FRMPD1: variants seen among roughly 807,000 people sequenced by gnomAD.
FRMPD1 encodes the protein FERM and PDZ domain-containing protein 1.
FRMPD1 carries 76 observed loss-of-function variants against 117.8 expected under a neutral mutation model. That is an observed-to-expected ratio of 0.65 (90% CI 0.54 to 0.78). The LOEUF (loss-of-function observed/expected upper bound fraction) is 0.78. FRMPD1 is among the 30% of genes least tolerant of loss of function. FRMPD1 has a pLI of 0.00. For missense variants in FRMPD1, 1,786 were observed against 1,964.5 expected (o/e 0.91, Z 1.72); for synonymous variants, 783 against 770.4 (o/e 1.02, Z -0.27).
At chr9:37,670,191 T>G (rs1297605558) in intron 1 of FRMPD1, 1 of 152,214 alleles carries the variant, frequency 6.6e-6, no homozygotes, top group African/African-American at 2.4e-5. Context: ...TGTTATTTTA[T>G]TCATTCATTC....
intron 1 of FRMPD1, among the ~76,000 whole-genome samples, chr9:37,688,653 A>G (rs966314554): frequency 2.6e-5 from 4 of 152,156 alleles, no homozygotes; most frequent in African/African-American, 7.2e-5. Flanking sequence ...CAAATGTCCA[A>G]TGATAGATTT....
At chr9:37,651,612 C>G (rs1382326600) in intron 1 of FRMPD1, among the ~76,000 whole-genome samples, 1 of 152,252 alleles carries the variant, frequency 6.6e-6, no homozygotes, top group Non-Finnish European at 1.5e-5. Context: ...AAGTCAGTCT[C>G]CAGGGTCGCG....
intron 3 of FRMPD1, 79 bp from the exon 4 acceptor site, chr9:37,708,320 C>G: frequency 1.2e-6 from 1 of 828,996 alleles, no homozygotes; most frequent in Non-Finnish European, 2.0e-6. Flanking sequence ...ATCAGGGTGC[C>G]ATTTAACTGT....
At chr9:37,645,589 G>A in the FRMPD1 span, among the ~76,000 whole-genome samples, 2 of 152,200 alleles carry the variant, frequency 1.3e-5, no homozygotes, top group Non-Finnish European at 2.9e-5. Flanking sequence ...AGGGTGTTGG[G>A]AGACTGATCT....
chr9:37,707,374 G>C, intron 2 of FRMPD1, 42 bp from the exon 3 acceptor site: 1 of 1,585,076 alleles, frequency 6.3e-7, no homozygotes, highest in South Asian at 1.1e-5. Context: ...CCAACAACTA[G>C]AGTCTTCTCT....
At chr9:37,621,780 GTGGGAGTGAA>G in the FRMPD1 span, among the ~76,000 whole-genome samples, 2 of 152,142 alleles carry the variant, frequency 1.3e-5, no homozygotes, top group Non-Finnish European at 2.9e-5. Context: ...ATGCATTTAC[GTGGGAGTGAA>G]TAGGCCCCAG....
In FRMPD1 at chr9:37,745,821, AC is replaced by A. The variant is rs1824683336; in HGVS notation, c.3790del (p.Gln1264LysfsTer6). 6.2e-7 allele frequency: 1 copy of A among 1,614,150 alleles called. No homozygotes were observed. The highest frequency in any genetic ancestry group is 8.5e-7 in the Non-Finnish European group (1 of 1,179,984). On this transcript the variant is annotated frameshift_variant, in exon 16 of 16. Coordinates refer to ENST00000377765, the MANE Select transcript of FRMPD1 (RefSeq NM_014907.3). LOFTEE classifies it high-confidence loss of function. ...CCCTGCCAGAACCACTACCATGTCC[AC>A]AAGAGGATCCTCACTTAGAAACTTC... ...PSLPEPLPCPQEDPHLETSNH... is the reference protein window; with the variant it reads ...PSLPEPLPCPXEDPHLETSNH...
chr9:37,700,181 GA>G (rs1822483390), intron 2 of FRMPD1, among the ~76,000 whole-genome samples: 1 of 152,104 alleles, frequency 6.6e-6, no homozygotes. Flanking sequence ...AAGGCTCCTG[GA>G]CTGCATCTGC....
intron 2 of FRMPD1, among the ~76,000 whole-genome samples, chr9:37,706,602 G>C (rs1048928413): frequency 6.6e-6 from 1 of 152,084 alleles, no homozygotes; most frequent in African/African-American, 2.4e-5. Flanking sequence ...CTCGCTTTGT[G>C]GTTTCTCTCT....
the FRMPD1 span, among the ~76,000 whole-genome samples, chr9:37,603,526 A>C: frequency 6.6e-6 from 1 of 152,326 alleles, no homozygotes; most frequent in East Asian, 1.9e-4. Flanking sequence ...ACTCAGATCC[A>C]TCAGAAGGAA....
In FRMPD1 at chr9:37,745,538, G is replaced by A. The variant is rs367901427; in HGVS notation, c.3506G>A (p.Gly1169Glu). The change falls in exon 16 of 16, where the codon GGG becomes GAG. Residue 1169 changes from glycine (G) to glutamate (E), a missense_variant. Gly to Glu is a moderately conservative substitution (Grantham distance 98). Transcript: ENST00000377765. ...TSLSLDAPVT[G>E]TEQIPPHPPR... ...CTTTCTTTAGATGCTCCTGTAACAG[G>A]GACCGAGCAGATCCCACCACATCCC... The A allele has an allele frequency of 3.7e-6, 6 of 1,614,032 alleles. No individual in the cohort carries two copies. In the African/African-American group the frequency reaches 4.0e-5, roughly 11 times the overall value.
At chr9:37,642,872 G>C in the FRMPD1 span, among the ~76,000 whole-genome samples, 1 of 152,114 alleles carries the variant, frequency 6.6e-6, no homozygotes, top group Non-Finnish European at 1.5e-5. Context: ...GAAAGTCTTG[G>C]AAGCTTTCTC....
chr9:37,732,088 T>A (rs1823909219), intron 9 of FRMPD1, among the ~76,000 whole-genome samples: 1 of 152,196 alleles, frequency 6.6e-6, no homozygotes, highest in Non-Finnish European at 1.5e-5. Context: ...AATTTAAGTC[T>A]CACAGAAACC....
chr9:37,621,229 T>G, the FRMPD1 span, among the ~76,000 whole-genome samples: 4 of 152,232 alleles, frequency 2.6e-5, no homozygotes, highest in Non-Finnish European at 4.4e-5. Context: ...GTTCACTGAA[T>G]AGATGAGTGA....
intron 2 of FRMPD1, among the ~76,000 whole-genome samples, chr9:37,705,456 C>A (rs1018980721): frequency 1.3e-4 from 20 of 152,066 alleles, no homozygotes; most frequent in African/African-American, 3.6e-4. Context: ...CCACCAAGTC[C>A]TGCTATTTTT....
At chr9:37,686,992 G>A (rs1368692269) in intron 1 of FRMPD1, among the ~76,000 whole-genome samples, 1 of 152,194 alleles carries the variant, frequency 6.6e-6, no homozygotes, top group Non-Finnish European at 1.5e-5. Flanking sequence ...ATCTAGTGGA[G>A]ACCTCAGATT....
chr9:37,725,482 T>A (rs1331205190), intron 7 of FRMPD1, among the ~76,000 whole-genome samples: 7 of 152,216 alleles, frequency 4.6e-5, no homozygotes, highest in African/African-American at 1.7e-4. Context: ...ACAATGTACA[T>A]ACACCTGTAC....
chr9:37,717,039 A>G (rs1823149546), intron 5 of FRMPD1, among the ~76,000 whole-genome samples: 1 of 152,192 alleles, frequency 6.6e-6, no homozygotes. Context: ...TATATCAACT[A>G]GTTTATGAAT....
At chr9:37,675,125 G>T (rs140473363) in intron 1 of FRMPD1, among the ~76,000 whole-genome samples, 7 of 152,186 alleles carry the variant, frequency 4.6e-5, no homozygotes, top group African/African-American at 1.7e-4. Flanking sequence ...AATGATCCAC[G>T]TAAGGAAGAG....
Sources: gnomAD v4.1 joint callset for allele counts (sites outside exome capture counted in the v4.1 genomes callset) on GRCh38, gnomAD v4.1.1 for gene constraint, MANE v1.5 for transcripts, NCBI Gene and HGNC (gene_info 2026-07-23, HGNC 2026-07-21) for gene names.